CCSER1: variants seen among roughly 807,000 people sequenced by gnomAD.
CCSER1 encodes coiled-coil serine rich protein 1.
CCSER1 carries 41 observed loss-of-function variants against 82.0 expected under a neutral mutation model. The ratio of observed to expected loss-of-function variants is 0.50; its 90% CI spans 0.39 to 0.65. The LOEUF (loss-of-function observed/expected upper bound fraction) is 0.65, where lower values mean the gene tolerates loss of function less well. Among genes scored for constraint, CCSER1 ranks in the 30% least tolerant of loss-of-function variants. The pLI, the probability that CCSER1 is intolerant of heterozygous loss-of-function variation, is 0.00. For synonymous variants in CCSER1, 414 were observed against 383.9 expected (o/e 1.08, Z -0.92); for missense variants, 1,119 against 1,064.2 (o/e 1.05, Z -0.72).
intron 10 of CCSER1, among the ~76,000 whole-genome samples, chr4:91,576,419 G>A (rs1380869647): frequency 6.6e-6 from 1 of 151,930 alleles, no homozygotes; most frequent in Non-Finnish European, 1.5e-5. Flanking sequence ...GGTAAAATGA[G>A]ATGTTGGTTA....
At chr4:90,435,591 T>C (rs1036303674) in intron 4 of CCSER1, among the ~76,000 whole-genome samples, 29 of 152,168 alleles carry the variant, frequency 1.9e-4, no homozygotes, top group African/African-American at 7.0e-4. Flanking sequence ...GTAAAAATTA[T>C]TCCTTTGGCC....
chr4:90,402,133 G>A (rs562362588), intron 4 of CCSER1, among the ~76,000 whole-genome samples: 1 of 152,162 alleles, frequency 6.6e-6, no homozygotes, highest in African/African-American at 2.4e-5. Context: ...TAAAAAGATT[G>A]TGGGCAACCA....
intron 10 of CCSER1, among the ~76,000 whole-genome samples, chr4:91,383,412 C>A (rs1252708029): frequency 6.6e-6 from 1 of 151,310 alleles, no homozygotes; most frequent in African/African-American, 2.4e-5. Context: ...AATATGATAA[C>A]AAATATGAGA....
At chr4:90,964,356 T>G in intron 9 of CCSER1, among the ~76,000 whole-genome samples, 1 of 152,100 alleles carries the variant, frequency 6.6e-6, no homozygotes, top group African/African-American at 2.4e-5. Flanking sequence ...TAAAAATTCT[T>G]TAAGAGACAT....
At chr4:91,163,047 C>G (rs1301901624) in intron 10 of CCSER1, among the ~76,000 whole-genome samples, 1 of 152,098 alleles carries the variant, frequency 6.6e-6, no homozygotes, top group African/African-American at 2.4e-5. Context: ...TACATATTCC[C>G]TGCTTTCTCT....
intron 10 of CCSER1, among the ~76,000 whole-genome samples, chr4:91,176,127 A>ATGTGATCTG (rs973945568): frequency 2.6e-5 from 4 of 152,134 alleles, no homozygotes; most frequent in African/African-American, 9.7e-5. Flanking sequence ...CACAGATCAG[A>ATGTGATCTG]TGGTTGTAGA....
At chr4:91,065,947 T>A (rs1720767114) in intron 9 of CCSER1, among the ~76,000 whole-genome samples, 1 of 152,212 alleles carries the variant, frequency 6.6e-6, no homozygotes, top group South Asian at 2.1e-4. Context: ...AGTGTACTTA[T>A]ATCTATAAAA....
At chr4:90,706,227 G>T (rs1739317901) in intron 6 of CCSER1, among the ~76,000 whole-genome samples, 2 of 152,208 alleles carry the variant, frequency 1.3e-5, no homozygotes, top group South Asian at 4.2e-4. Context: ...AACCCTAATG[G>T]ACTAAGACTG....
chr4:91,062,722 T>C lies in CCSER1; in HGVS notation c.2173-23228T>C, dbSNP rs73834774. Among the ~76,000 whole-genome samples the C allele has an allele frequency of 4.6e-3, 704 of 152,212 alleles. 6 individuals are homozygous for C. The highest frequency in any genetic ancestry group is 0.016 in the African/African-American group (664 of 41,546). On this transcript the variant is annotated intron_variant, in intron 9 of 10. Coordinates refer to ENST00000509176, the MANE Select transcript of CCSER1 (RefSeq NM_001145065.2). The stretch of plus-strand genomic sequence containing the variant: ...TTGTTTATGGAAGAGCAAACTTAAA[T>C]TATTCTACTGGTCCTGGACTCTTCA...
At chr4:90,872,091 T>C (rs1354092254) in intron 8 of CCSER1, among the ~76,000 whole-genome samples, 1 of 151,814 alleles carries the variant, frequency 6.6e-6, no homozygotes, top group Non-Finnish European at 1.5e-5. Context: ...AGAGAGCAGA[T>C]AGTTGGGGCT....
chr4:90,896,917 AATAAC>A (rs1723795577), intron 8 of CCSER1, among the ~76,000 whole-genome samples: 1 of 152,002 alleles, frequency 6.6e-6, no homozygotes, highest in East Asian at 1.9e-4. Context: ...AGATTTATCA[AATAAC>A]ATAACAACAG....
intron 7 of CCSER1, among the ~76,000 whole-genome samples, chr4:90,789,330 C>T (rs1754930074): frequency 6.6e-6 from 1 of 152,122 alleles, no homozygotes; most frequent in South Asian, 2.1e-4. Context: ...TATTGTGACA[C>T]CCTAATTTAT....
chr4:90,328,613 C>G (rs1332374761), intron 3 of CCSER1, among the ~76,000 whole-genome samples: 1 of 152,162 alleles, frequency 6.6e-6, no homozygotes, highest in Admixed American at 6.5e-5. Context: ...AAGGCAGTGG[C>G]AAAAGTTGCG....
chr4:90,631,182 C>T (rs1006044641), intron 6 of CCSER1, among the ~76,000 whole-genome samples: 8 of 152,024 alleles, frequency 5.3e-5, no homozygotes, highest in African/African-American at 1.7e-4. Flanking sequence ...CATGAGCCGC[C>T]GCACCTGGCC....
chr4:91,243,016 G>C (rs1255492758), intron 10 of CCSER1, among the ~76,000 whole-genome samples: 1 of 152,212 alleles, frequency 6.6e-6, no homozygotes, highest in South Asian at 2.1e-4. Context: ...AAGAGGGTCA[G>C]AGACAGTCTT....
chr4:90,304,700 A>T (rs1490985325), intron 1 of CCSER1, among the ~76,000 whole-genome samples: 2 of 152,180 alleles, frequency 1.3e-5, no homozygotes, highest in Non-Finnish European at 1.5e-5. Context: ...CTAATGCTAG[A>T]TGACAAGTTA....
At chr4:91,229,173 A>C (rs1227878712) in intron 10 of CCSER1, among the ~76,000 whole-genome samples, 1 of 152,034 alleles carries the variant, frequency 6.6e-6, no homozygotes, top group African/African-American at 2.4e-5. Context: ...ATTCGCACAC[A>C]AAACCTTGTG....
intron 5 of CCSER1, among the ~76,000 whole-genome samples, chr4:90,622,536 G>A (rs1722511078): frequency 6.6e-6 from 1 of 151,968 alleles, no homozygotes; most frequent in Non-Finnish European, 1.5e-5. Flanking sequence ...TTTTGTCCTT[G>A]CGATAGTTTG....
intron 10 of CCSER1, among the ~76,000 whole-genome samples, chr4:91,087,298 G>A (rs1723485570): frequency 6.6e-6 from 1 of 151,982 alleles, no homozygotes; most frequent in Non-Finnish European, 1.5e-5. Flanking sequence ...GTCAAAAGAA[G>A]GAAAACTGAA....
Sources: allele counts gnomAD v4.1 joint callset (sites outside exome capture counted in the v4.1 genomes callset), GRCh38; gene constraint gnomAD v4.1.1; transcripts MANE v1.5; gene names NCBI Gene and HGNC (gene_info 2026-07-23, HGNC 2026-07-21).